PXDNL: variants seen among roughly 807,000 people sequenced by gnomAD.
PXDNL encodes probable oxidoreductase PXDNL.
Under a neutral mutation model 150.8 loss-of-function variants are expected in PXDNL, and 145 were observed. The observed-to-expected ratio is 0.96, with a 90% CI of 0.84 to 1.10. The LOEUF is 1.10. PXDNL is among the 50% of genes least tolerant of loss of function. PXDNL has a pLI of 0.00. For missense variants in PXDNL, 2,087 were observed against 1,873.9 expected (o/e 1.11, Z -2.10); for synonymous variants, 757 against 725.7 (o/e 1.04, Z -0.69).
At chr8:51,577,999 G>GGAAGGAAGGAAGGA (rs67326526) in intron 3 of PXDNL, among the ~76,000 whole-genome samples, 2 of 31,546 alleles carry the variant, frequency 6.3e-5, no homozygotes, top group Admixed American at 3.7e-4. Flanking sequence ...AAGAAAGAAA[G>GGAAGGAAGGAAGGA]AGGAAGGAAG....
At chr8:51,517,511 G>T (rs534497523) in intron 4 of PXDNL, among the ~76,000 whole-genome samples, 1 of 152,098 alleles carries the variant, frequency 6.6e-6, no homozygotes, top group Non-Finnish European at 1.5e-5. Context: ...ACTATGTCTT[G>T]CTCATGCTTT....
chr8:51,572,803 C>A (rs1182472523), intron 3 of PXDNL, among the ~76,000 whole-genome samples: 3 of 151,436 alleles, frequency 2.0e-5, no homozygotes, highest in Non-Finnish European at 3.0e-5. Context: ...TTTTTAAAAA[C>A]ACACACACAC....
chr8:51,337,795 C>T (rs950586814), intron 21 of PXDNL, among the ~76,000 whole-genome samples: 4 of 151,660 alleles, frequency 2.6e-5, no homozygotes, highest in African/African-American at 9.7e-5. Context: ...TGTGCTTAAA[C>T]CTGGGAAGCA....
At chr8:51,734,331 G>T (rs1554510712) in intron 1 of PXDNL, among the ~76,000 whole-genome samples, 1 of 152,130 alleles carries the variant, frequency 6.6e-6, no homozygotes, top group Non-Finnish European at 1.5e-5. Context: ...GGACATATTA[G>T]AAAATACTCT....
chr8:51,709,307 T>C (rs1816447130), intron 1 of PXDNL, among the ~76,000 whole-genome samples: 1 of 151,554 alleles, frequency 6.6e-6, no homozygotes, highest in Non-Finnish European at 1.5e-5. Context: ...CAGGCTGGAG[T>C]GCAATGGTGC....
At chr8:51,683,531 T>C (rs1166679150) in intron 1 of PXDNL, among the ~76,000 whole-genome samples, 1 of 151,906 alleles carries the variant, frequency 6.6e-6, no homozygotes, top group Non-Finnish European at 1.5e-5. Flanking sequence ...AGACATAAAG[T>C]CTCAATTATG....
At chr8:51,621,401 A>G (rs892107932) in intron 2 of PXDNL, among the ~76,000 whole-genome samples, 1 of 151,942 alleles carries the variant, frequency 6.6e-6, no homozygotes, top group Non-Finnish European at 1.5e-5. Context: ...TAAAACTATT[A>G]TGCATTTATA....
chr8:51,743,425 C>T (rs1190376803), intron 1 of PXDNL, among the ~76,000 whole-genome samples: 1 of 151,970 alleles, frequency 6.6e-6, no homozygotes, highest in Non-Finnish European at 1.5e-5. Context: ...GTCCCCCAGG[C>T]TGCAGTAGTG....
At chr8:51,491,673 A>G (rs898240320) in intron 5 of PXDNL, among the ~76,000 whole-genome samples, 2 of 151,668 alleles carry the variant, frequency 1.3e-5, no homozygotes, top group African/African-American at 4.8e-5. Context: ...CCATCTTCAC[A>G]GTTTTCAGGG....
In PXDNL at chr8:51,475,127, T is replaced by C; in HGVS notation, c.539A>G (p.Asn180Ser). 1 of 1,612,746 alleles carries C rather than the reference T, an allele frequency of 6.2e-7. No individual in the cohort carries two copies. The highest frequency in any genetic ancestry group is 8.5e-7 in the Non-Finnish European group (1 of 1,178,958). Residue 180 changes from asparagine to serine, a missense_variant, in exon 7 of 23, where the codon AAC (asparagine) becomes AGC (serine). By Grantham distance (46) the Asn-to-Ser change is conservative. Coordinates refer to ENST00000356297, the MANE Select transcript of PXDNL (RefSeq NM_144651.5). Reference sequence around the variant, plus strand: ...CAGATCACAGTCACAAACCAGGGCGTTGGAATCCAGACGCCTAGGCATGCA... The same window carrying C: ...CAGATCACAGTCACAAACCAGGGCGCTGGAATCCAGACGCCTAGGCATGCA... The part of the protein sequence containing the change: ...DSLKRLRLDS[N>S]ALVCDCDLMW...
chr8:51,638,386 A>G (rs1297051320), intron 2 of PXDNL, among the ~76,000 whole-genome samples: 1 of 152,206 alleles, frequency 6.6e-6, no homozygotes, highest in African/African-American at 2.4e-5. Context: ...AAATGCTCCA[A>G]TTAAAAGACA....
intron 21 of PXDNL, among the ~76,000 whole-genome samples, chr8:51,324,134 G>A (rs562520497): frequency 2.0e-5 from 3 of 152,084 alleles, no homozygotes; most frequent in Non-Finnish European, 4.4e-5. Flanking sequence ...TTGGGTTTAT[G>A]TTGTATCCTG....
At chr8:51,405,408 C>T (rs1189383873) in intron 17 of PXDNL, among the ~76,000 whole-genome samples, 1 of 152,148 alleles carries the variant, frequency 6.6e-6, no homozygotes, top group Non-Finnish European at 1.5e-5. Context: ...GACATTTGCT[C>T]CTTTTGTCTT....
At chr8:51,715,499 A>G (rs538837203) in intron 1 of PXDNL, among the ~76,000 whole-genome samples, 11 of 152,340 alleles carry the variant, frequency 7.2e-5, no homozygotes, top group South Asian at 4.1e-4. Flanking sequence ...TTGAACGTCA[A>G]TTGTGCCATT....
chr8:51,526,515 T>C (rs778244952), intron 4 of PXDNL, among the ~76,000 whole-genome samples: 10 of 151,994 alleles, frequency 6.6e-5, no homozygotes, highest in Middle Eastern at 3.2e-3. Flanking sequence ...TTAAGGAAAG[T>C]TTCCATTTGG....
Position 51,408,926 on chromosome 8 carries a change from AAACGTTGG to A in PXDNL, c.2690_2697del (p.Ser897LeufsTer121). 6.2e-7 allele frequency: 1 copy of A among 1,612,248 alleles called. No homozygotes were observed. The highest frequency in any genetic ancestry group is 8.5e-7 in the Non-Finnish European group (1 of 1,179,498). ...TGGGATTCCCGCTCCGAGCTCCCGT[AAACGTTGG>A]AGCCATCGATGTAGGCTGTTTGCTG... On this transcript the variant is annotated frameshift_variant, in exon 17 of 23. Transcript: ENST00000356297. LOFTEE classifies it high-confidence loss of function.
At chr8:51,359,816 A>G (rs993726292) in intron 19 of PXDNL, among the ~76,000 whole-genome samples, 6 of 152,120 alleles carry the variant, frequency 3.9e-5, no homozygotes, top group African/African-American at 1.4e-4. Flanking sequence ...ACTGGCACCT[A>G]TCGCACCTAT....
rs367770672 is a variant in PXDNL, at chr8:51,409,025, G to C, written c.2599C>G (p.Pro867Ala). The change falls in exon 17 of 23, where the codon CCC becomes GCC. Residue 867 changes from proline (P) to alanine (A), a missense_variant. Pro to Ala is a conservative substitution (Grantham distance 27). Coordinates refer to ENST00000356297, the MANE Select transcript of PXDNL (RefSeq NM_144651.5). ...APCMLFARSS[P>A]ACASGRPSAT... ...GAGGGACGGCCGCTGGCACACGCGG[G>C]GCTGGAGCGCGCGAAGAGCATGCAG... The C allele has an allele frequency of 1.1e-5, 17 of 1,610,650 alleles. No individual in the cohort carries two copies. Among genetic ancestry groups the C allele is most frequent in the Non-Finnish European group, 1.4e-5 (16 of 1,179,784 alleles).
At chr8:51,603,514 A>C (rs1272084995) in intron 2 of PXDNL, among the ~76,000 whole-genome samples, 1 of 151,954 alleles carries the variant, frequency 6.6e-6, no homozygotes, top group African/African-American at 2.4e-5. Context: ...ATATTTTGTA[A>C]CAGATGACTT....
Sources: gnomAD v4.1 joint callset for allele counts (sites outside exome capture counted in the v4.1 genomes callset) on GRCh38, gnomAD v4.1.1 for gene constraint, MANE v1.5 for transcripts, NCBI Gene and HGNC (gene_info 2026-07-23, HGNC 2026-07-21) for gene names.